The following PTPRD variants were observed in gnomAD, a reference collection of about 807,000 sequenced individuals.
PTPRD encodes the protein protein tyrosine phosphatase receptor type D.
Under a neutral mutation model 214.5 loss-of-function variants are expected in PTPRD, and 34 were observed. That is an observed-to-expected ratio of 0.16 (90% confidence interval 0.12 to 0.21). The LOEUF (loss-of-function observed/expected upper bound fraction) is 0.21. PTPRD is among the 10% of genes least tolerant of loss of function. The pLI, the probability that PTPRD is intolerant of heterozygous loss-of-function variation, is 1.00. For synonymous variants in PTPRD, 1,128 were observed against 845.7 expected (o/e 1.33, Z -5.79); for missense variants, 2,545 against 2,398.7 (o/e 1.06, Z -1.27).
chr9:9,729,234 G>A (rs910492185), intron 7 of PTPRD, among the ~76,000 whole-genome samples: 1 of 152,090 alleles, frequency 6.6e-6, no homozygotes, highest in Non-Finnish European at 1.5e-5. Context: ...GAAACTGGGA[G>A]TATCTTCACT....
At chr9:9,575,908 T>A (rs888721987) in intron 7 of PTPRD, among the ~76,000 whole-genome samples, 1 of 151,958 alleles carries the variant, frequency 6.6e-6, no homozygotes, top group Non-Finnish European at 1.5e-5. Context: ...CTATTTTATA[T>A]GAACAAGAAA....
intron 11 of PTPRD, among the ~76,000 whole-genome samples, chr9:8,934,482 T>A (rs867759120): frequency 0.031 from 239 of 7,614 alleles, 29 homozygotes; most frequent in South Asian, 0.31. Context: ...TATATAAATA[T>A]ATATATATAT....
intron 12 of PTPRD, among the ~76,000 whole-genome samples, chr9:8,674,933 T>A (rs1364361081): frequency 6.6e-6 from 1 of 152,218 alleles, no homozygotes; most frequent in Non-Finnish European, 1.5e-5. Flanking sequence ...ATCTAGATAC[T>A]GTCAAATAGC....
chr9:8,750,446 C>A (rs1172968275), intron 11 of PTPRD, among the ~76,000 whole-genome samples: 1 of 151,044 alleles, frequency 6.6e-6, no homozygotes, highest in Non-Finnish European at 1.5e-5. Flanking sequence ...GCATGAGCCA[C>A]CATGCCCGGC....
intron 7 of PTPRD, among the ~76,000 whole-genome samples, chr9:9,608,411 G>A (rs756402513): frequency 5.9e-5 from 9 of 152,092 alleles, no homozygotes; most frequent in Non-Finnish European, 1.2e-4. Context: ...AGGCTGTCCA[G>A]TAAGGGAAAA....
intron 5 of PTPRD, among the ~76,000 whole-genome samples, chr9:9,805,861 A>T (rs2153523723): frequency 6.6e-6 from 1 of 152,298 alleles, no homozygotes; most frequent in Non-Finnish European, 1.5e-5. Context: ...AAACAACATT[A>T]ACAGACTTCT....
intron 43 of PTPRD, among the ~76,000 whole-genome samples, chr9:8,337,663 A>C (rs1334342438): frequency 6.7e-6 from 1 of 148,750 alleles, no homozygotes; most frequent in African/African-American, 2.5e-5. Context: ...GGAGACTTTA[A>C]AAAAAAAAAG....
At chr9:10,190,438 C>G (rs888308121) in intron 3 of PTPRD, among the ~76,000 whole-genome samples, 4 of 134,970 alleles carry the variant, frequency 3.0e-5, no homozygotes, top group Non-Finnish European at 6.1e-5. Flanking sequence ...TCAAAGTGGG[C>G]CAGGCGCTGT....
intron 10 of PTPRD, among the ~76,000 whole-genome samples, chr9:9,174,746 T>A (rs1237528791): frequency 6.6e-6 from 1 of 152,124 alleles, no homozygotes; most frequent in Non-Finnish European, 1.5e-5. Context: ...AAATTTAGGA[T>A]CAGATTTAGA....
At chr9:9,438,307 T>C (rs933529301) in intron 8 of PTPRD, among the ~76,000 whole-genome samples, 2 of 152,170 alleles carry the variant, frequency 1.3e-5, no homozygotes, top group Non-Finnish European at 2.9e-5. Context: ...ACAAATATTT[T>C]AAAATAACGT....
rs1449445543 is a variant in PTPRD at position 8,465,666 on chromosome 9, C to G, written c.3514G>C (p.Glu1172Gln). Residue 1172 changes from glutamate to glutamine, a missense_variant, in exon 32 of 46, where the codon GAG becomes CAG. Physicochemically the swap from Glu to Gln is conservative, Grantham distance 29 (BLOSUM62 2). Transcript: ENST00000381196. ...ATGCTTCTGCGCTTCCTAGATATCT[C>G]CTTAAGCAGCTTAAGGAAAAAAGTG... ...DEMELDELLK[E>Q]ISRKRRSIRY... The G allele has an allele frequency of 6.2e-7, 1 of 1,605,928 alleles. No individual in the cohort carries two copies. The highest frequency in any genetic ancestry group is 8.5e-7 in the Non-Finnish European group (1 of 1,176,194).
intron 3 of PTPRD, among the ~76,000 whole-genome samples, chr9:10,083,658 C>A (rs1415415932): frequency 6.6e-6 from 1 of 151,908 alleles, no homozygotes. Flanking sequence ...TCATCTAGAG[C>A]AGTGGTTACC....
intron 21 of PTPRD, among the ~76,000 whole-genome samples, chr9:8,513,964 T>C (rs1270548520): frequency 6.6e-6 from 1 of 152,108 alleles, no homozygotes; most frequent in Non-Finnish European, 1.5e-5. Context: ...AACATCTTCA[T>C]GCAAAAAAGT....
intron 11 of PTPRD, among the ~76,000 whole-genome samples, chr9:8,833,042 G>C (rs989961432): frequency 4.6e-5 from 7 of 151,986 alleles, no homozygotes; most frequent in African/African-American, 9.7e-5. Context: ...CAACTGACTT[G>C]ATATCTTCTG....
At chr9:10,072,513 A>G (rs2098043804) in intron 3 of PTPRD, among the ~76,000 whole-genome samples, 2 of 152,088 alleles carry the variant, frequency 1.3e-5, no homozygotes, top group South Asian at 2.1e-4. Flanking sequence ...CAGCTTCCAC[A>G]GCATGGAAGG....
intron 3 of PTPRD, among the ~76,000 whole-genome samples, chr9:10,136,714 C>A (rs2098946971): frequency 1.2e-5 from 1 of 84,946 alleles, no homozygotes; most frequent in Non-Finnish European, 2.2e-5. Context: ...TCTAATTAAA[C>A]TAAAGAGCTT....
chr9:9,742,869 C>T (rs756756035), intron 6 of PTPRD, among the ~76,000 whole-genome samples: 7 of 152,144 alleles, frequency 4.6e-5, no homozygotes, highest in African/African-American at 1.4e-4. Flanking sequence ...CAAGGTTTTG[C>T]TTTTTTATTG....
chr9:8,333,832 G>T (rs1843903087), intron 43 of PTPRD, among the ~76,000 whole-genome samples: 1 of 151,574 alleles, frequency 6.6e-6, no homozygotes, highest in African/African-American at 2.4e-5. Context: ...GATGGAGGAA[G>T]ATCTACCAAG....
chr9:10,463,492 C>G (rs548218882), intron 2 of PTPRD, among the ~76,000 whole-genome samples: 61 of 152,120 alleles, frequency 4.0e-4, no homozygotes, highest in South Asian at 6.2e-4. Context: ...GTTTATAACT[C>G]TTTACAAAAA....
Sources: gnomAD v4.1 joint callset for allele counts (sites outside exome capture counted in the v4.1 genomes callset) on GRCh38, gnomAD v4.1.1 for gene constraint, MANE v1.5 for transcripts, NCBI Gene and HGNC (gene_info 2026-07-23, HGNC 2026-07-21) for gene names.